The following CTNNA2 variants were observed in gnomAD, a reference collection of about 807,000 sequenced individuals.
The protein encoded by CTNNA2 is catenin alpha 2, also known as catenin alpha-2.
In CTNNA2, 42 loss-of-function variants were observed where a neutral mutation model predicts 101.0. The observed-to-expected ratio is 0.42, with a 90% CI of 0.32 to 0.54. The LOEUF (loss-of-function observed/expected upper bound fraction) is 0.54, where lower values mean the gene tolerates loss of function less well. Ranked by LOEUF, CTNNA2 falls within the 20% of genes least tolerant of loss-of-function variation. CTNNA2 has a pLI of 0.14. For missense variants in CTNNA2, 871 were observed against 1,223.1 expected (o/e 0.71, Z 4.29); for synonymous variants, 450 against 456.4 (o/e 0.99, Z 0.18).
intron 7 of CTNNA2, among the ~76,000 whole-genome samples, chr2:80,329,267 A>G (rs1671103754): frequency 2.0e-5 from 3 of 152,188 alleles, no homozygotes; most frequent in South Asian, 4.1e-4. Context: ...TGCAACAAGG[A>G]GTTCCTGCTT....
chr2:80,231,712 A>G (rs1174163572), intron 7 of CTNNA2, among the ~76,000 whole-genome samples: 1 of 152,202 alleles, frequency 6.6e-6, no homozygotes, highest in Non-Finnish European at 1.5e-5. Context: ...TGACACTGGT[A>G]TAGCATCACA....
intron 4 of CTNNA2, among the ~76,000 whole-genome samples, chr2:79,479,031 C>T (rs1671081307): frequency 6.6e-6 from 1 of 152,124 alleles, no homozygotes; most frequent in Non-Finnish European, 1.5e-5. Flanking sequence ...TGTATATGAG[C>T]ATATTAGCTT....
intron 2 of CTNNA2, among the ~76,000 whole-genome samples, chr2:79,702,538 A>G (rs1236518309): frequency 1.3e-5 from 2 of 152,176 alleles, no homozygotes; most frequent in African/African-American, 4.8e-5. Flanking sequence ...TATAGTTCAC[A>G]TTGAGAGATT....
intron 2 of CTNNA2, among the ~76,000 whole-genome samples, chr2:79,719,851 A>ACTCTATCTACTGTTTC (rs1686361290): frequency 6.6e-6 from 1 of 151,764 alleles, no homozygotes; most frequent in Admixed American, 6.6e-5. Flanking sequence ...CTGCCTGTTT[A>ACTCTATCTACTGTTTC]CTCTATCTAC....
chr2:79,271,225 T>C (rs986153994), intron 2 of CTNNA2, among the ~76,000 whole-genome samples: 1 of 152,086 alleles, frequency 6.6e-6, no homozygotes, highest in Admixed American at 6.6e-5. Flanking sequence ...GGGAGGTTTT[T>C]TATTGCAATA....
chr2:79,393,823 G>T (rs548557528), intron 4 of CTNNA2, among the ~76,000 whole-genome samples: 1 of 152,150 alleles, frequency 6.6e-6, no homozygotes, highest in Admixed American at 6.5e-5. Flanking sequence ...TGGCCCAAAA[G>T]CCTGGCTCCC....
chr2:80,514,986 T>C (rs1340315129), intron 9 of CTNNA2, among the ~76,000 whole-genome samples: 1 of 152,166 alleles, frequency 6.6e-6, no homozygotes, highest in Non-Finnish European at 1.5e-5. Flanking sequence ...CCCCTGTCTG[T>C]CTAGAATTTC....
chr2:79,938,993 T>C (rs1209622665), intron 7 of CTNNA2, among the ~76,000 whole-genome samples: 1 of 152,114 alleles, frequency 6.6e-6, no homozygotes. Flanking sequence ...GAAAGATCGA[T>C]ATTAACAGGT....
intron 1 of CTNNA2, among the ~76,000 whole-genome samples, chr2:79,651,271 T>A (rs1201043062): frequency 6.6e-6 from 1 of 152,140 alleles, no homozygotes; most frequent in Admixed American, 6.5e-5. Context: ...GTATGCATAC[T>A]CATTGTTGAG....
intron 2 of CTNNA2, among the ~76,000 whole-genome samples, chr2:79,234,994 C>T (rs967634851): frequency 6.6e-6 from 1 of 152,188 alleles, no homozygotes; most frequent in South Asian, 2.1e-4. Flanking sequence ...AGCTTCCTTA[C>T]CATCCAGATT....
intron 3 of CTNNA2, among the ~76,000 whole-genome samples, chr2:79,818,895 G>GCACACA (rs56218833): frequency 0.025 from 3,098 of 125,310 alleles, 88 homozygotes; most frequent in East Asian, 0.079. Context: ...AGCACTAATA[G>GCACACA]CACACACACA....
intron 2 of CTNNA2, among the ~76,000 whole-genome samples, chr2:79,656,758 A>G (rs1681639128): frequency 6.6e-6 from 1 of 152,012 alleles, no homozygotes; most frequent in African/African-American, 2.4e-5. Flanking sequence ...TCAAAAAAGG[A>G]AGGAGTTTCA....
intron 3 of CTNNA2, among the ~76,000 whole-genome samples, chr2:79,819,327 C>T (rs1312100572): frequency 2.0e-5 from 3 of 152,176 alleles, no homozygotes; most frequent in South Asian, 4.1e-4. Flanking sequence ...TGCGCCATTA[C>T]TTCCTGTGTG....
At chr2:80,195,531 C>G (rs1706771911) in intron 7 of CTNNA2, among the ~76,000 whole-genome samples, 1 of 151,886 alleles carries the variant, frequency 6.6e-6, no homozygotes, top group Non-Finnish European at 1.5e-5. Flanking sequence ...AATCCTTAGT[C>G]CTTCTGATTG....
At chr2:80,138,240 C>T (rs1328821973) in intron 7 of CTNNA2, among the ~76,000 whole-genome samples, 1 of 151,980 alleles carries the variant, frequency 6.6e-6, no homozygotes, top group East Asian at 1.9e-4. Context: ...TTTAGTGTTG[C>T]CTGATCACCT....
chr2:79,466,419 G>A (rs1382857965), intron 4 of CTNNA2, among the ~76,000 whole-genome samples: 1 of 151,018 alleles, frequency 6.6e-6, no homozygotes, highest in East Asian at 1.9e-4. Context: ...GCTCAAGGAG[G>A]CCTGCCTGCC....
chr2:80,617,873 G>T (rs1256877238), intron 17 of CTNNA2, among the ~76,000 whole-genome samples: 1 of 151,792 alleles, frequency 6.6e-6, no homozygotes, highest in Admixed American at 6.6e-5. Flanking sequence ...ACAGGCTTTG[G>T]TTTTTAGCCA....
At chr2:79,411,407 G>A (rs915511848) in intron 4 of CTNNA2, among the ~76,000 whole-genome samples, 3 of 151,778 alleles carry the variant, frequency 2.0e-5, no homozygotes, top group Admixed American at 6.6e-5. Context: ...TGTCAATTTT[G>A]GATCTTTCCT....
At chr2:79,330,536 C>A (rs1332555647) in intron 3 of CTNNA2, among the ~76,000 whole-genome samples, 1 of 152,124 alleles carries the variant, frequency 6.6e-6, no homozygotes, top group Non-Finnish European at 1.5e-5. Flanking sequence ...GAAAAAGCCA[C>A]CCCTGGCTGG....
Sources: gnomAD v4.1 joint callset for allele counts (sites outside exome capture counted in the v4.1 genomes callset) on GRCh38, gnomAD v4.1.1 for gene constraint, MANE v1.5 for transcripts, NCBI Gene and HGNC (gene_info 2026-07-23, HGNC 2026-07-21) for gene names.